Variants in TOX observed in about 807,000 individuals in gnomAD.
The protein encoded by TOX is thymocyte selection-associated high mobility group box protein TOX.
TOX carries 11 observed loss-of-function variants against 53.7 expected under a neutral mutation model. The observed-to-expected ratio is 0.20, with a 90% CI of 0.13 to 0.34. The LOEUF (loss-of-function observed/expected upper bound fraction) is 0.34, where lower values mean the gene tolerates loss of function less well. Among genes scored for constraint, TOX ranks in the 10% least tolerant of loss-of-function variants. The pLI, the probability that TOX is intolerant of heterozygous loss-of-function variation, is 1.00. For missense variants in TOX, 570 were observed against 664.6 expected, an observed-to-expected ratio of 0.86 and a Z score of 1.56; for synonymous variants, 225 against 245.3, an observed-to-expected ratio of 0.92 and a Z score of 0.77.
intron 5 of TOX, among the ~76,000 whole-genome samples, chr8:58,829,415 G>T (rs554074455): frequency 6.6e-6 from 1 of 152,236 alleles, no homozygotes; most frequent in South Asian, 2.1e-4. Flanking sequence ...TGGGATCATC[G>T]CATAAGTGCC....
At chr8:58,995,741 G>A (rs191918559) in intron 1 of TOX, among the ~76,000 whole-genome samples, 114 of 152,286 alleles carry the variant, frequency 7.5e-4, no homozygotes, top group African/African-American at 2.3e-3. Context: ...TATGCTGGTC[G>A]TCTTTTCCAT....
At chr8:58,829,768 A>G (rs150383538) in intron 5 of TOX, among the ~76,000 whole-genome samples, 9 of 152,310 alleles carry the variant, frequency 5.9e-5, no homozygotes, top group African/African-American at 1.9e-4. Flanking sequence ...GGCCTCAACT[A>G]TGAATGAATG....
intron 1 of TOX, among the ~76,000 whole-genome samples, chr8:58,984,440 T>C (rs1294424817): frequency 6.6e-6 from 1 of 151,974 alleles, no homozygotes; most frequent in Non-Finnish European, 1.5e-5. Flanking sequence ...GTTAGGGAAA[T>C]AGAAATCATA....
intron 1 of TOX, among the ~76,000 whole-genome samples, chr8:58,965,304 A>G (rs1003271932): frequency 6.6e-6 from 1 of 152,234 alleles, no homozygotes. Context: ...ATGCAATCAT[A>G]TAAAAAGTCA....
chr8:58,875,978 C>G (rs1811276702), intron 3 of TOX, among the ~76,000 whole-genome samples: 2 of 152,172 alleles, frequency 1.3e-5, no homozygotes, highest in Admixed American at 1.3e-4. Flanking sequence ...ACAGACTGAT[C>G]TGGTCCTCAG....
intron 3 of TOX, among the ~76,000 whole-genome samples, chr8:58,925,807 C>T (rs188652266): frequency 4.6e-5 from 7 of 152,250 alleles, no homozygotes; most frequent in East Asian, 1.9e-4. Flanking sequence ...AAGTATACTG[C>T]GCTCTGAGAA....
chr8:59,075,973 C>T (rs1007621754), intron 1 of TOX, among the ~76,000 whole-genome samples: 24 of 150,766 alleles, frequency 1.6e-4, no homozygotes, highest in Non-Finnish European at 2.9e-4. Flanking sequence ...CCATTGCACT[C>T]CAGCCTGGGC....
intron 1 of TOX, among the ~76,000 whole-genome samples, chr8:59,037,270 T>C (rs554196800): frequency 8.4e-4 from 128 of 152,096 alleles, no homozygotes; most frequent in Non-Finnish European, 1.5e-3. Flanking sequence ...TATTTCCTTT[T>C]GGATGTTTCC....
At chr8:58,974,209 G>A (rs763113505) in intron 1 of TOX, among the ~76,000 whole-genome samples, 20 of 152,288 alleles carry the variant, frequency 1.3e-4, no homozygotes, top group East Asian at 3.9e-4. Context: ...TGCTTCTGGC[G>A]TCTAGTGGAT....
Position 58,807,634 on chromosome 8 carries a change from C to T in TOX, c.*113G>A. On this transcript the variant is annotated 3_prime_UTR_variant, in exon 9 of 9. Coordinates refer to ENST00000361421, the MANE Select transcript of TOX (RefSeq NM_014729.3). ...CCACAAGCTCAAATGGTCCTAAGTG[C>T]TTAGCAACTTGTATTTTCTAATAAA... The T allele has an allele frequency of 7.9e-7, 1 of 1,265,278 alleles. No individual in the cohort carries two copies. The highest frequency in any genetic ancestry group is 1.1e-6 in the Non-Finnish European group (1 of 885,078). 78.4% of individuals were successfully genotyped at this position (1,265,278 alleles called of 1,614,324 possible).
chr8:59,055,084 T>C (rs1225252190), intron 1 of TOX, among the ~76,000 whole-genome samples: 2 of 152,086 alleles, frequency 1.3e-5, no homozygotes, highest in Admixed American at 6.6e-5. Flanking sequence ...TCCAAGGACT[T>C]TTCTGGGACT....
rs61179541 is a variant in TOX, at chr8:58,962,076, G to A, written c.103-2068C>T. ...CACTGCTTGTGCATATTCTATAAAT[G>A]TGTTACTTTCTATTTCATCTTCTCT... On this transcript the variant is annotated intron_variant, in intron 1 of 8. Coordinates refer to ENST00000361421, the MANE Select transcript of TOX (RefSeq NM_014729.3). Among the ~76,000 whole-genome samples, 1,476 of 152,304 alleles carry A rather than the reference G, an allele frequency of 9.7e-3. 19 individuals carry two copies. Among genetic ancestry groups the A allele is most frequent in the Middle Eastern group, 0.051 (15 of 294 alleles).
rs77184765 is a variant in TOX at position 58,836,482 on chromosome 8, T to C, written c.924+1599A>G. ...TTTAATTGAGTGTACAGAGAACGTT[T>C]TGGTGGTGTGTTTCCTGTTCTTAAA... On this transcript the variant is annotated intron_variant, in intron 5 of 8. Coordinates refer to ENST00000361421, the MANE Select transcript of TOX (RefSeq NM_014729.3). Among the ~76,000 whole-genome samples, 136 of 152,316 alleles carry C rather than the reference T, an allele frequency of 8.9e-4. 1 individual carries two copies. The highest frequency in any genetic ancestry group is 3.1e-3 in the African/African-American group (130 of 41,552).
At chr8:58,869,430 A>G (rs537364505) in intron 3 of TOX, among the ~76,000 whole-genome samples, 1 of 152,262 alleles carries the variant, frequency 6.6e-6, no homozygotes, top group African/African-American at 2.4e-5. Context: ...AAAAATCACT[A>G]GTCCCAGAAA....
chr8:58,899,968 C>A (rs1563383417), intron 3 of TOX, among the ~76,000 whole-genome samples: 1 of 144,450 alleles, frequency 6.9e-6, no homozygotes, highest in African/African-American at 2.5e-5. Flanking sequence ...ATTTTCAATG[C>A]TTTTTTTTTT....
chr8:58,945,665 C>T (rs186704408), intron 2 of TOX, among the ~76,000 whole-genome samples: 51 of 152,234 alleles, frequency 3.4e-4, no homozygotes, highest in African/African-American at 1.2e-3. Flanking sequence ...ACAGCCAGTT[C>T]CTATATTCTT....
chr8:58,889,212 C>CAAAAAAAAAAAAA (rs10556451), intron 3 of TOX, among the ~76,000 whole-genome samples: 1 of 114,438 alleles, frequency 8.7e-6, no homozygotes, highest in Non-Finnish European at 1.8e-5. Context: ...TTTACAATAG[C>CAAAAAAAAAAAAA]AAAAAAAAAA....
At chr8:58,978,109 G>A (rs575055136) in intron 1 of TOX, among the ~76,000 whole-genome samples, 6 of 152,178 alleles carry the variant, frequency 3.9e-5, no homozygotes, top group Admixed American at 3.3e-4. Context: ...GCAATTTAAT[G>A]GGTTAATAAC....
intron 3 of TOX, among the ~76,000 whole-genome samples, chr8:58,935,927 T>G (rs969589287): frequency 6.6e-6 from 1 of 152,210 alleles, no homozygotes; most frequent in Non-Finnish European, 1.5e-5. Context: ...TATTTGTGGA[T>G]GCAAAAATGG....
Sources: allele counts gnomAD v4.1 joint callset (sites outside exome capture counted in the v4.1 genomes callset), GRCh38; gene constraint gnomAD v4.1.1; transcripts MANE v1.5; gene names NCBI Gene and HGNC (gene_info 2026-07-23, HGNC 2026-07-21).